The following ROBO2 variants were observed in gnomAD, a reference collection of about 807,000 sequenced individuals.
ROBO2 encodes roundabout homolog 2.
In ROBO2, 53 loss-of-function variants were observed where a neutral mutation model predicts 160.8. The ratio of observed to expected loss-of-function variants is 0.33; its 90% CI spans 0.26 to 0.41. ROBO2 has a LOEUF of 0.41. Among genes scored for constraint, ROBO2 ranks in the 10% least tolerant of loss-of-function variants. ROBO2 has a pLI of 1.00. For missense variants in ROBO2, 1,577 were observed against 1,722.4 expected (o/e 0.92, Z 1.49); for synonymous variants, 664 against 611.7 (o/e 1.09, Z -1.26).
At chr3:77,474,741 A>G (rs976697380) in intron 2 of ROBO2, among the ~76,000 whole-genome samples, 1 of 151,916 alleles carries the variant, frequency 6.6e-6, no homozygotes, top group African/African-American at 2.4e-5. Flanking sequence ...TTACCAGACC[A>G]TTTTAGTTCT....
chr3:77,344,486 A>G (rs867295098), intron 2 of ROBO2, among the ~76,000 whole-genome samples: 8 of 152,130 alleles, frequency 5.3e-5, no homozygotes, highest in Non-Finnish European at 1.0e-4. Context: ...GAGGCCCAAG[A>G]AAGCTCTCTA....
intron 2 of ROBO2, among the ~76,000 whole-genome samples, chr3:76,272,134 A>C (rs1707470359): frequency 6.6e-6 from 1 of 152,134 alleles, no homozygotes; most frequent in South Asian, 2.1e-4. Context: ...CCTGAGGAGA[A>C]AGTTGACTCT....
chr3:76,318,877 G>C (rs1329101682), intron 2 of ROBO2, among the ~76,000 whole-genome samples: 1 of 152,098 alleles, frequency 6.6e-6, no homozygotes. Flanking sequence ...AATTCCAAAA[G>C]TGATGAGAGT....
intron 2 of ROBO2, among the ~76,000 whole-genome samples, chr3:76,915,671 C>CAAA (rs372827394): frequency 3.1e-5 from 3 of 96,502 alleles, no homozygotes; most frequent in Non-Finnish European, 4.2e-5. Context: ...CTCTCGCTCT[C>CAAA]AAAAAAAAAA....
At chr3:76,612,597 T>C (rs2088218497) in intron 2 of ROBO2, among the ~76,000 whole-genome samples, 1 of 152,106 alleles carries the variant, frequency 6.6e-6, no homozygotes, top group Admixed American at 6.6e-5. Flanking sequence ...CCAATGCATG[T>C]GGGGCTTAAA....
At chr3:76,913,838 T>TGAGTAACTGTGAAAAATACTCCTTTAGAG (rs1559694812) in intron 2 of ROBO2, among the ~76,000 whole-genome samples, 1 of 151,982 alleles carries the variant, frequency 6.6e-6, no homozygotes, top group Non-Finnish European at 1.5e-5. Flanking sequence ...CTCCTTTAGA[T>TGAGTAACTGTGAAAAATACTCCTTTAGAG]GAGTAACTGT....
chr3:76,100,389 T>C (rs1471610015), intron 2 of ROBO2, among the ~76,000 whole-genome samples: 1 of 152,192 alleles, frequency 6.6e-6, no homozygotes, highest in Non-Finnish European at 1.5e-5. Flanking sequence ...AACTGCTCTT[T>C]GTCTGCTCTC....
chr3:76,327,677 C>T (rs914181562), intron 2 of ROBO2, among the ~76,000 whole-genome samples: 1 of 152,126 alleles, frequency 6.6e-6, no homozygotes, highest in East Asian at 1.9e-4. Flanking sequence ...CATCATTTCA[C>T]ATTTTAAGAA....
intron 2 of ROBO2, among the ~76,000 whole-genome samples, chr3:77,153,164 T>C (rs748005827): frequency 9.2e-4 from 140 of 152,284 alleles, no homozygotes; most frequent in Non-Finnish European, 1.5e-3. Context: ...TTGTGAAGAA[T>C]TTGTGTTAAA....
intron 2 of ROBO2, among the ~76,000 whole-genome samples, chr3:76,967,358 A>G (rs2059351651): frequency 6.6e-6 from 1 of 151,702 alleles, no homozygotes; most frequent in African/African-American, 2.4e-5. Context: ...GACATGTGCA[A>G]CCACGCCCAG....
chr3:77,246,843 A>C (rs2089787095), intron 2 of ROBO2, among the ~76,000 whole-genome samples: 1 of 152,106 alleles, frequency 6.6e-6, no homozygotes, highest in Admixed American at 6.5e-5. Context: ...TCTTCATCTT[A>C]TTTTACACAA....
At chr3:75,975,467 T>C (rs997603727) in intron 2 of ROBO2, among the ~76,000 whole-genome samples, 4 of 151,398 alleles carry the variant, frequency 2.6e-5, no homozygotes, top group Non-Finnish European at 5.9e-5. Context: ...TTTATTTATA[T>C]ATATTAATAT....
At chr3:76,272,978 T>TA (rs1559706790) in intron 2 of ROBO2, among the ~76,000 whole-genome samples, 7 of 87,058 alleles carry the variant, frequency 8.0e-5, no homozygotes, top group Non-Finnish European at 1.2e-4. Context: ...ATAAAATATA[T>TA]ATAATATATA....
rs550724390 is a variant in ROBO2, at chr3:77,131,503, A to C, written c.388+33163A>C. 3.9e-5 allele frequency among the ~76,000 whole-genome samples: 6 copies of C among 152,322 alleles called. No homozygotes were observed. In the South Asian group the frequency reaches 8.3e-4, roughly 21 times the overall value. On this transcript the variant is annotated intron_variant, in intron 2 of 25. Coordinates refer to ENST00000461745, the Ensembl canonical transcript of ROBO2. The stretch of plus-strand genomic sequence containing the variant: ...TGGTTAAAGAATGCTAAGCAAAAAC[A>C]AACCAACCAACCAACAAACAAAAAT...
At chr3:77,395,455 A>G (rs1380530358) in intron 2 of ROBO2, among the ~76,000 whole-genome samples, 1 of 152,150 alleles carries the variant, frequency 6.6e-6, no homozygotes, top group Non-Finnish European at 1.5e-5. Context: ...GAGTCAGAAT[A>G]TGATATGGAC....
At chr3:77,173,465 C>A (rs1262744189) in intron 2 of ROBO2, among the ~76,000 whole-genome samples, 1 of 151,894 alleles carries the variant, frequency 6.6e-6, no homozygotes. Flanking sequence ...ATTGTGTTTG[C>A]CCCTTCATGT....
chr3:77,298,038 T>G (rs1194405702), intron 2 of ROBO2, among the ~76,000 whole-genome samples: 1 of 152,070 alleles, frequency 6.6e-6, no homozygotes, highest in Non-Finnish European at 1.5e-5. Flanking sequence ...TGCTTGTGGG[T>G]TATTCTGCAA....
At chr3:77,366,894 C>CCCCG (rs148363961) in intron 2 of ROBO2, among the ~76,000 whole-genome samples, 18,784 of 91,390 alleles carry the variant, frequency 0.21, 1,486 homozygotes, top group East Asian at 0.46. Flanking sequence ...TCTCACAGCA[C>CCCCG]CCCCCCGACA....
intron 4 of ROBO2, among the ~76,000 whole-genome samples, chr3:77,489,364 G>GGACTCTGCTTGAGGGTA (rs1282717441): frequency 5.3e-5 from 8 of 152,142 alleles, no homozygotes; most frequent in Admixed American, 2.0e-4. Context: ...CTAAGCAACT[G>GGACTCTGCTTGAGGGTA]GACTCTGCTT....
Sources: gnomAD v4.1 joint callset for allele counts (sites outside exome capture counted in the v4.1 genomes callset) on GRCh38, gnomAD v4.1.1 for gene constraint, MANE v1.5 for transcripts, NCBI Gene and HGNC (gene_info 2026-07-23, HGNC 2026-07-21) for gene names.